The following ZNF536 variants were observed in gnomAD, a reference collection of about 807,000 sequenced individuals.
The protein encoded by ZNF536 is zinc finger protein 536.
A neutral mutation model predicts 84.5 loss-of-function variants in ZNF536; 13 were observed. That is an observed-to-expected ratio of 0.15 (90% CI 0.10 to 0.24). The LOEUF is 0.24. Ranked by LOEUF, ZNF536 falls within the 10% of genes least tolerant of loss-of-function variation. The pLI is 1.00. For missense variants in ZNF536, 1,536 were observed against 1,747.5 expected (o/e 0.88, Z 2.16); for synonymous variants, 811 against 742.5 (o/e 1.09, Z -1.50).
intron 1 of ZNF536, among the ~76,000 whole-genome samples, chr19:30,590,214 G>T (rs1334140093): frequency 3.3e-5 from 5 of 152,128 alleles, no homozygotes; most frequent in African/African-American, 7.2e-5. Flanking sequence ...AGGGATACTT[G>T]GTGGGCGTCC....
intron 1 of ZNF536, among the ~76,000 whole-genome samples, chr19:30,245,736 G>A (rs569868361): frequency 7.9e-5 from 12 of 152,338 alleles, no homozygotes; most frequent in South Asian, 6.2e-4. Flanking sequence ...AATCAAGGGC[G>A]CATGTTATGA....
intron 1 of ZNF536, among the ~76,000 whole-genome samples, chr19:30,616,100 T>C (rs2048285205): frequency 6.6e-6 from 1 of 152,234 alleles, no homozygotes; most frequent in Non-Finnish European, 1.5e-5. Flanking sequence ...ATAAGTATTC[T>C]GGTATGGAGT....
At chr19:30,584,261 C>T (rs1317150545) in intron 1 of ZNF536, among the ~76,000 whole-genome samples, 1 of 152,118 alleles carries the variant, frequency 6.6e-6, no homozygotes, top group Non-Finnish European at 1.5e-5. Context: ...GGAAGGACCT[C>T]CTCTCCCCTG....
intron 2 of ZNF536, among the ~76,000 whole-genome samples, chr19:30,490,246 T>C (rs922510713): frequency 3.9e-5 from 6 of 152,204 alleles, no homozygotes; most frequent in Non-Finnish European, 5.9e-5. Context: ...TCATCTCTTC[T>C]TGATAAGCCC....
chr19:30,576,948 A>G (rs780611908), intron 1 of ZNF536, among the ~76,000 whole-genome samples: 1 of 150,746 alleles, frequency 6.6e-6, no homozygotes, highest in Admixed American at 6.6e-5. Context: ...TACTTTAAAT[A>G]CTCTTTTGCC....
chr19:30,329,121 C>T (rs2047127841), intron 2 of ZNF536, among the ~76,000 whole-genome samples: 2 of 152,184 alleles, frequency 1.3e-5, no homozygotes, highest in African/African-American at 4.8e-5. Flanking sequence ...TCTTAGCCCT[C>T]AAGAGTCCCT....
intron 2 of ZNF536, among the ~76,000 whole-genome samples, chr19:30,511,314 AT>A (rs1226725943): frequency 6.6e-6 from 1 of 152,130 alleles, no homozygotes; most frequent in African/African-American, 2.4e-5. Flanking sequence ...CCCCCAATAT[AT>A]TTTGTTTACA....
intron 1 of ZNF536, among the ~76,000 whole-genome samples, chr19:30,642,128 G>A (rs953807680): frequency 2.0e-5 from 3 of 152,152 alleles, no homozygotes; most frequent in African/African-American, 7.2e-5. Context: ...GATGCATTGT[G>A]AGCTGAATCC....
chr19:30,384,645 A>G (rs1442865171), intron 1 of ZNF536, among the ~76,000 whole-genome samples: 1 of 152,010 alleles, frequency 6.6e-6, no homozygotes, highest in South Asian at 2.1e-4. Flanking sequence ...CCTGTGGAGC[A>G]TGAGGGTCAA....
intron 1 of ZNF536, among the ~76,000 whole-genome samples, chr19:30,581,640 A>G (rs1291095168): frequency 1.3e-5 from 2 of 152,178 alleles, no homozygotes; most frequent in Non-Finnish European, 2.9e-5. Context: ...GAAGCAGGAC[A>G]GTAAAGAAAA....
intron 1 of ZNF536, among the ~76,000 whole-genome samples, chr19:30,670,952 C>T (rs1040997450): frequency 3.9e-5 from 6 of 152,124 alleles, no homozygotes; most frequent in African/African-American, 1.4e-4. Context: ...CCTCTCCCCA[C>T]CCCATTCTGC....
At position 30,706,852 on chromosome 19, in the gene ZNF536, G is replaced by A. The variant is rs530965846; in HGVS notation, c.170-3905G>A. On this transcript the variant is annotated intron_variant, in intron 1 of 1. Coordinates refer to the ZNF536 transcript ENST00000592773. ...GCCTTTGTCCATGAACTGCTACAGAGCTGCCCTTGGTAGAAACATAGAAAA... is the reference window on the plus strand; with the variant it reads ...GCCTTTGTCCATGAACTGCTACAGAACTGCCCTTGGTAGAAACATAGAAAA... Among the ~76,000 whole-genome samples, 40 of 152,310 alleles carry A rather than the reference G, an allele frequency of 2.6e-4. No homozygotes were observed. The South Asian group carries it at 3.5e-3, about 13-fold the overall frequency.
intron 1 of ZNF536, among the ~76,000 whole-genome samples, chr19:30,431,061 C>A (rs1156385276): frequency 6.6e-6 from 1 of 152,238 alleles, no homozygotes; most frequent in Non-Finnish European, 1.5e-5. Context: ...TTTACTCCCC[C>A]TTCTTTCCTG....
chr19:30,270,560 C>T (rs554707838), intron 1 of ZNF536, among the ~76,000 whole-genome samples: 2 of 152,288 alleles, frequency 1.3e-5, no homozygotes, highest in African/African-American at 4.8e-5. Context: ...ACAGAGGTGA[C>T]ACCGTAAACA....
At chr19:30,320,577 G>T (rs2046820549) in intron 2 of ZNF536, among the ~76,000 whole-genome samples, 1 of 152,178 alleles carries the variant, frequency 6.6e-6, no homozygotes, top group Non-Finnish European at 1.5e-5. Context: ...AGAGGGGCAA[G>T]GGGTTCTCTG....
intron 4 of ZNF536, among the ~76,000 whole-genome samples, chr19:30,552,773 A>G (rs1453436126): frequency 6.6e-6 from 1 of 152,170 alleles, no homozygotes; most frequent in Non-Finnish European, 1.5e-5. Flanking sequence ...CGACCCAGCC[A>G]GTTGGGTGGG....
intron 1 of ZNF536, among the ~76,000 whole-genome samples, chr19:30,393,595 C>A (rs2049689995): frequency 6.6e-6 from 1 of 152,110 alleles, no homozygotes; most frequent in Non-Finnish European, 1.5e-5. Context: ...AGGCTAGGGG[C>A]AGCGTCACAT....
intron 2 of ZNF536, among the ~76,000 whole-genome samples, chr19:30,345,657 C>A (rs1389467626): frequency 6.6e-6 from 1 of 152,148 alleles, no homozygotes; most frequent in Non-Finnish European, 1.5e-5. Context: ...GAGAGAGAAG[C>A]CCCAGTGACA....
rs1491571837 is a variant in ZNF536 at position 30,659,951 on chromosome 19, G to GT, written c.170-50806_170-50805insT. Among the ~76,000 whole-genome samples the GT allele has an allele frequency of 7.5e-5, 7 of 93,840 alleles. No homozygotes were observed. In the East Asian group the frequency reaches 7.9e-4, roughly 11 times the overall value. 61.6% of individuals were successfully genotyped at this position (93,840 alleles called of 152,430 possible). On this transcript the variant is annotated intron_variant, in intron 1 of 1. Coordinates refer to the ZNF536 transcript ENST00000592773. ...TTTGCTCCTACCCTGTTTGACACAA[G>GT]GGTGTGTGTGTGTGTGTGTGTGTGT...
Sources: allele counts gnomAD v4.1 joint callset (sites outside exome capture counted in the v4.1 genomes callset), GRCh38; gene constraint gnomAD v4.1.1; transcripts MANE v1.5; gene names NCBI Gene and HGNC (gene_info 2026-07-23, HGNC 2026-07-21).